Variants in TMPRSS13 observed in about 807,000 individuals in gnomAD.
TMPRSS13 encodes transmembrane serine protease 13.
Under a neutral mutation model 68.4 loss-of-function variants are expected in TMPRSS13, and 50 were observed. The observed-to-expected ratio is 0.73, with a 90% CI of 0.58 to 0.93. The LOEUF (loss-of-function observed/expected upper bound fraction) is 0.93. Ranked by LOEUF, TMPRSS13 falls within the 40% of genes least tolerant of loss-of-function variation. The probability of loss-of-function intolerance (pLI) is 0.00; values close to 1 mark genes in which losing one functional copy is unlikely to be tolerated. For missense variants in TMPRSS13, 615 were observed against 729.2 expected (o/e 0.84, Z 1.80); for synonymous variants, 267 against 285.8 (o/e 0.93, Z 0.66).
chr11:117,905,531 G>C (rs373190141), intron 10 of TMPRSS13, 107 bp downstream of exon 10: 17 of 922,906 alleles, frequency 1.8e-5, no homozygotes, highest in Non-Finnish European at 1.6e-6. Context: ...AACGCTCATC[G>C]ACATAGGCCT....
chr11:117,926,468 C>G (rs1432623414), intron 1 of TMPRSS13, among the ~76,000 whole-genome samples: 3 of 152,220 alleles, frequency 2.0e-5, no homozygotes, highest in Non-Finnish European at 4.4e-5. Context: ...TCACCAATCC[C>G]TAGCACCTGT....
chr11:117,905,310 C>T (rs898857251), intron 10 of TMPRSS13, among the ~76,000 whole-genome samples: 3 of 152,066 alleles, frequency 2.0e-5, no homozygotes, highest in African/African-American at 7.2e-5. Flanking sequence ...TACGAGCATT[C>T]CCTCTCTGAC....
rs373890233 is a variant in TMPRSS13 at position 117,909,926 on chromosome 11, G to T, written c.989C>A (p.Ala330Glu). 3 of 1,614,006 alleles carry T rather than the reference G, an allele frequency of 1.9e-6. No individual in the cohort carries two copies. Among genetic ancestry groups the T allele is most frequent in the Non-Finnish European group, 2.5e-6 (3 of 1,180,022 alleles). ...RAMTGRIVGG[A>E]LASDSKWPWQ... ...AGGCCACTTGCTATCCGAGGCCAGC[G>T]CCCCTCCCACGATCCGCCCGGTCAT... Residue 330 changes from alanine (A) to glutamate (E), a missense_variant, in exon 8 of 13, where the codon GCG becomes GAG. Transcript: ENST00000524993.
intron 10 of TMPRSS13, 140 bp from the exon 11 acceptor site, chr11:117,904,241 C>A: frequency 8.3e-7 from 1 of 1,207,952 alleles, no homozygotes; most frequent in Non-Finnish European, 1.1e-6. Context: ...GTGCCTGGCT[C>A]CCACCCAAGG....
At chr11:117,911,538 C>T (rs1379039130) in intron 6 of TMPRSS13, among the ~76,000 whole-genome samples, 1 of 152,214 alleles carries the variant, frequency 6.6e-6, no homozygotes, top group Non-Finnish European at 1.5e-5. Context: ...CTCTCAGGGG[C>T]ACCCCTGGTC....
intron 1 of TMPRSS13, among the ~76,000 whole-genome samples, chr11:117,924,517 G>A (rs80085590): frequency 0.049 from 7,507 of 152,128 alleles, 269 homozygotes; most frequent in East Asian, 0.18. Context: ...CTCTGGGCTA[G>A]GCAGGAAGAA....
At chr11:117,918,294 C>T (rs920774018) in intron 2 of TMPRSS13, 115 bp downstream of exon 2, 21 of 1,246,716 alleles carry the variant, frequency 1.7e-5, no homozygotes, top group Admixed American at 4.9e-5. Context: ...CCCCCTACCT[C>T]CCCTTCCCCG....
rs775542256 is a variant in TMPRSS13 at position 117,908,727 on chromosome 11, G to A, written c.1167C>T (p.His389=). The A allele has an allele frequency of 6.2e-7, 1 of 1,608,824 alleles. No homozygotes were observed. The highest frequency in any genetic ancestry group is 8.5e-7 in the Non-Finnish European group (1 of 1,178,470). The part of the protein sequence containing the change: ...WKVYAGTSNL[H]QLPEAASIAE... ...CAATGGAGGCTGCCTCAGGCAACTGGTGCAGGTTGCTGGTGCCCGCGTACA... is the reference window on the plus strand; with the variant it reads ...CAATGGAGGCTGCCTCAGGCAACTGATGCAGGTTGCTGGTGCCCGCGTACA... Residue 389 remains histidine (H), a synonymous_variant, in exon 9 of 13, where the codon CAC becomes CAT. Transcript: ENST00000524993.
At chr11:117,924,273 G>C (rs76673375) in intron 1 of TMPRSS13, among the ~76,000 whole-genome samples, 11,491 of 151,614 alleles carry the variant, frequency 0.076, 595 homozygotes, top group East Asian at 0.25. Context: ...ACTTGCTCAC[G>C]GACACACAGC....
At chr11:117,918,878 T>G in intron 1 of TMPRSS13, 40 bp from the exon 2 acceptor site, 1 of 1,606,614 alleles carries the variant, frequency 6.2e-7, no homozygotes, top group Non-Finnish European at 8.5e-7. Context: ...GCTGCTCCCC[T>G]GCCAACCCAC....
Position 117,904,861 on chromosome 11 carries a change from T to TTATA in TMPRSS13, c.1382-764_1382-761dup, listed in dbSNP as rs58001868. On this transcript the variant is annotated intron_variant, in intron 10 of 12. Transcript: ENST00000524993. ...TACCACTTAGAGCTCCTAGATAAGATTATATATATATATATATATATATAT... is the reference window on the plus strand; with the variant it reads ...TACCACTTAGAGCTCCTAGATAAGATTATATATATATATATATATATATATATAT... 7.7e-3 allele frequency among the ~76,000 whole-genome samples: 771 copies of TTATA among 100,086 alleles called. 13 individuals carry two copies. Among genetic ancestry groups the TTATA allele is most frequent in the African/African-American group, 0.013 (378 of 28,436 alleles). 65.7% of individuals were successfully genotyped at this position (100,086 alleles called of 152,430 possible). A position where few individuals can be genotyped will look rare whatever the true frequency, so the allele number is the denominator to read the frequency against.
intron 6 of TMPRSS13, 88 bp from the exon 7 acceptor site, chr11:117,910,838 A>G (rs2057516122): frequency 1.6e-6 from 2 of 1,247,022 alleles, no homozygotes; most frequent in South Asian, 2.8e-5. Flanking sequence ...CTCAGTTCCT[A>G]TCCTGTTTCC....
Position 117,911,763 on chromosome 11 carries a change from C to A in TMPRSS13, c.902+5G>T. 1 of 1,613,496 alleles carries A rather than the reference C, an allele frequency of 6.2e-7. No individual in the cohort carries two copies. The highest frequency in any genetic ancestry group is 8.5e-7 in the Non-Finnish European group (1 of 1,179,666). ...CAAACAGGCAGCCTGCCTGCCCCACCATACCTGTGGAGGCTTTCCTGGATG... is the reference window on the plus strand; with the variant it reads ...CAAACAGGCAGCCTGCCTGCCCCACAATACCTGTGGAGGCTTTCCTGGATG... On this transcript the variant is annotated splice_donor_5th_base_variant and intron_variant, in intron 6 of 12. Transcript: ENST00000524993.
Position 117,909,976 on chromosome 11 carries a change from G to A in TMPRSS13, c.947-8C>T, listed in dbSNP as rs1441444279. On this transcript the variant is annotated splice_polypyrimidine_tract_variant and splice_region_variant and intron_variant, in intron 7 of 12. Coordinates refer to ENST00000524993, the MANE Select transcript of TMPRSS13 (RefSeq NM_001077263.3). ...TGGCCCTCAGTCCGCAGTCTGGAGGGAAGGAGTAGACGTACTGTGAACCCT... is the reference window on the plus strand; with the variant it reads ...TGGCCCTCAGTCCGCAGTCTGGAGGAAAGGAGTAGACGTACTGTGAACCCT... 1.2e-6 allele frequency: 2 copies of A among 1,613,468 alleles called. No individual in the cohort carries two copies. The highest frequency in any genetic ancestry group is 2.2e-5 in the South Asian group (2 of 91,066).
chr11:117,909,807 C>A lies in TMPRSS13; in HGVS notation c.1108G>T (p.Val370Leu), dbSNP rs1423319576. The A allele has an allele frequency of 2.5e-6, 4 of 1,608,850 alleles. No homozygotes were observed. The highest frequency in any genetic ancestry group is 3.4e-6 in the Non-Finnish European group (4 of 1,177,988). The stretch of plus-strand genomic sequence containing the variant: ...ATCACCTGCCTCTCAGGCACTTACA[C>A]GAAGAAGCAGTGGGCGGCAGTGAGC... ...WVLTAAHCFF[V>L]TREKVLEGWK... The change falls in exon 8 of 13, where the codon GTG becomes TTG. Residue 370 changes from valine (V) to leucine (L), a missense_variant and splice_region_variant. Transcript: ENST00000524993.
chr11:117,907,279 A>G (rs2134880669), intron 9 of TMPRSS13, among the ~76,000 whole-genome samples: 1 of 152,176 alleles, frequency 6.6e-6, no homozygotes, highest in South Asian at 2.1e-4. Context: ...CCTGGACTCC[A>G]CAGACAAGGA....
In TMPRSS13 at chr11:117,928,602, A is replaced by T. The variant is rs2057730294; in HGVS notation, c.21+685T>A. Among the ~76,000 whole-genome samples, 4 of 152,144 alleles carry T rather than the reference A, an allele frequency of 2.6e-5. No homozygotes were observed. In the South Asian group the frequency reaches 8.3e-4, roughly 32 times the overall value. On this transcript the variant is annotated intron_variant, in intron 1 of 12. Transcript: ENST00000524993. ...GAAAGTGGAGGCACAGCAGAACAAG[A>T]TCTTTGGAAGCCTTCATGTGTGTAT...
intron 12 of TMPRSS13, among the ~76,000 whole-genome samples, chr11:117,902,522 A>C (rs2057417985): frequency 6.6e-6 from 1 of 152,128 alleles, no homozygotes; most frequent in African/African-American, 2.4e-5. Context: ...CTGGCAGAGC[A>C]CCCCCTGCTT....
Position 117,918,496 on chromosome 11 carries a change from C to A in TMPRSS13, c.364G>T (p.Val122Phe). ...VTTSPTRVYL[V>F]RATPVGAVPI... is the part of the protein sequence containing the mutation. ...ACAGCCCCCACTGGTGTTGCTCTAA[C>A]AAGGTACACTCTGGTTGGGGAGGTT... The change falls in exon 2 of 13, where the codon GTT (valine) becomes TTT (phenylalanine). Residue 122 changes from valine to phenylalanine, a missense_variant. By Grantham distance (50) the Val-to-Phe change is conservative. Transcript: ENST00000524993. The A allele has an allele frequency of 6.2e-7, 1 of 1,614,230 alleles. No homozygotes were observed. The highest frequency in any genetic ancestry group is 8.5e-7 in the Non-Finnish European group (1 of 1,180,030).
Sources: allele counts gnomAD v4.1 joint callset (sites outside exome capture counted in the v4.1 genomes callset), GRCh38; gene constraint gnomAD v4.1.1; transcripts MANE v1.5; gene names NCBI Gene and HGNC (gene_info 2026-07-23, HGNC 2026-07-21).